NDUFS4: variants seen among roughly 807,000 people sequenced by gnomAD.
NDUFS4 encodes NADH:ubiquinone oxidoreductase subunit S4.
In NDUFS4, 28 loss-of-function variants were observed where a neutral mutation model predicts 24.3. That is an observed-to-expected ratio of 1.15 (90% CI 0.85 to 1.58). The LOEUF is 1.58. Ranked by LOEUF, NDUFS4 falls within the 40% of genes most tolerant of loss-of-function variation. The pLI is 0.00. For synonymous variants in NDUFS4, 93 were observed against 69.7 expected (o/e 1.34, Z -1.67); for missense variants, 223 against 207.9 (o/e 1.07, Z -0.45).
chr5:53,571,092 CAT>C (rs1265820022), intron 1 of NDUFS4, among the ~76,000 whole-genome samples: 6 of 152,028 alleles, frequency 3.9e-5, no homozygotes, highest in African/African-American at 1.5e-4. Context: ...AAAATTTACT[CAT>C]ATAAAGTATA....
At chr5:53,617,882 A>G (rs1750896133) in intron 2 of NDUFS4, among the ~76,000 whole-genome samples, 1 of 152,318 alleles carries the variant, frequency 6.6e-6, no homozygotes, top group African/African-American at 2.4e-5. Context: ...TAGCTGTATA[A>G]CCTGAAGCAA....
chr5:53,564,850 A>G (rs1386428666), intron 1 of NDUFS4, among the ~76,000 whole-genome samples: 1 of 152,234 alleles, frequency 6.6e-6, no homozygotes, highest in Admixed American at 6.5e-5. Context: ...ATATTTTAAT[A>G]TGTAATGTCG....
At chr5:53,635,309 C>T (rs1429484044) in intron 2 of NDUFS4, among the ~76,000 whole-genome samples, 4 of 150,994 alleles carry the variant, frequency 2.6e-5, no homozygotes, top group South Asian at 2.1e-4. Flanking sequence ...TGCTGGAGTT[C>T]GAGACCAGCC....
chr5:53,569,851 C>A (rs1344341232), intron 1 of NDUFS4, among the ~76,000 whole-genome samples: 6 of 151,962 alleles, frequency 3.9e-5, no homozygotes, highest in Non-Finnish European at 5.9e-5. Flanking sequence ...AGGATGTTTT[C>A]CATTTTGTCA....
intron 4 of NDUFS4, among the ~76,000 whole-genome samples, chr5:53,662,687 T>C (rs1752381283): frequency 6.6e-6 from 1 of 152,208 alleles, no homozygotes; most frequent in South Asian, 2.1e-4. Flanking sequence ...GTTATTGGTC[T>C]ATTTAGAGAT....
At chr5:53,565,899 T>G (rs777355316) in intron 1 of NDUFS4, among the ~76,000 whole-genome samples, 5 of 152,008 alleles carry the variant, frequency 3.3e-5, no homozygotes, top group Non-Finnish European at 7.4e-5. Flanking sequence ...TACGGCCGGG[T>G]GCGGTGGCTC....
chr5:53,599,513 C>T (rs1263831511), intron 1 of NDUFS4, among the ~76,000 whole-genome samples: 1 of 152,120 alleles, frequency 6.6e-6, no homozygotes, highest in African/African-American at 2.4e-5. Context: ...TTCTGTTGAG[C>T]ATCATTTCAT....
chr5:53,667,428 G>A (rs1752550693), intron 4 of NDUFS4, among the ~76,000 whole-genome samples: 1 of 149,548 alleles, frequency 6.7e-6, no homozygotes, highest in South Asian at 2.1e-4. Context: ...TCGTGCCATT[G>A]CACTCCAGCC....
At chr5:53,657,691 G>A (rs530764046) in intron 3 of NDUFS4, among the ~76,000 whole-genome samples, 5 of 152,196 alleles carry the variant, frequency 3.3e-5, no homozygotes, top group African/African-American at 1.2e-4. Context: ...TTGGGAGGCT[G>A]AGGCAGGTAG....
chr5:53,615,379 A>C (rs1380065563), intron 2 of NDUFS4, among the ~76,000 whole-genome samples: 1 of 151,996 alleles, frequency 6.6e-6, no homozygotes, highest in Non-Finnish European at 1.5e-5. Flanking sequence ...GTATCTCAGA[A>C]TAGAATTAGA....
chr5:53,572,957 GT>G (rs796960315), intron 1 of NDUFS4, among the ~76,000 whole-genome samples: 57 of 103,304 alleles, frequency 5.5e-4, no homozygotes, highest in Middle Eastern at 5.2e-3. Flanking sequence ...GTTGTTTTTT[GT>G]TTTTTTTTTT....
intron 1 of NDUFS4, among the ~76,000 whole-genome samples, chr5:53,566,125 A>T (rs1749017870): frequency 6.6e-6 from 1 of 152,214 alleles, no homozygotes; most frequent in Non-Finnish European, 1.5e-5. Context: ...GTGAGCCGAG[A>T]TCGCACCACT....
intron 2 of NDUFS4, among the ~76,000 whole-genome samples, chr5:53,629,717 C>G (rs1361010697): frequency 6.7e-6 from 1 of 149,432 alleles, no homozygotes; most frequent in African/African-American, 2.5e-5. Context: ...CTTTTTTTTT[C>G]TTTCCATTTG....
At position 53,566,167 on chromosome 5, in the gene NDUFS4, C is replaced by CA. The variant is rs547801617; in HGVS notation, c.98+5415dup. ...TAGCCTGGGTGACAGGGCAAGACTCCAAAAAAAAGTTAATAATACACGGAA... is the reference window on the plus strand; with the variant it reads ...TAGCCTGGGTGACAGGGCAAGACTCCAAAAAAAAAGTTAATAATACACGGAA... On this transcript the variant is annotated intron_variant, in intron 1 of 4. Transcript: ENST00000296684. Among the ~76,000 whole-genome samples the CA allele has an allele frequency of 5.2e-3, 794 of 151,682 alleles. 1 individual carries two copies. The highest frequency in any genetic ancestry group is 8.3e-3 in the Non-Finnish European group (564 of 67,870).
intron 1 of NDUFS4, among the ~76,000 whole-genome samples, chr5:53,598,117 G>C (rs1412724555): frequency 6.6e-6 from 1 of 152,198 alleles, no homozygotes; most frequent in Non-Finnish European, 1.5e-5. Flanking sequence ...ATGCTGGCAA[G>C]GATGAAGAGA....
intron 1 of NDUFS4, among the ~76,000 whole-genome samples, chr5:53,577,713 A>G (rs530849345): frequency 1.3e-5 from 2 of 152,302 alleles, no homozygotes; most frequent in South Asian, 4.1e-4. Flanking sequence ...ATGCCAAAGG[A>G]TTTGGAAATT....
intron 2 of NDUFS4, among the ~76,000 whole-genome samples, chr5:53,637,859 GT>G (rs1197537236): frequency 6.6e-6 from 1 of 152,108 alleles, no homozygotes; most frequent in Non-Finnish European, 1.5e-5. Context: ...CAGAGTACTT[GT>G]CAGTCTTTTT....
intron 4 of NDUFS4, among the ~76,000 whole-genome samples, chr5:53,678,983 C>T (rs1421873926): frequency 6.6e-6 from 1 of 152,086 alleles, no homozygotes; most frequent in East Asian, 1.9e-4. Flanking sequence ...GAGGAGGATG[C>T]TTGGAAATGT....
chr5:53,658,352 A>G (rs1752223638), intron 3 of NDUFS4, among the ~76,000 whole-genome samples, 199 bp from the exon 4 acceptor site: 1 of 152,200 alleles, frequency 6.6e-6, no homozygotes, highest in African/African-American at 2.4e-5. Flanking sequence ...ATTATTTGAC[A>G]ATACATATTA....
Sources: gnomAD v4.1 joint callset for allele counts (sites outside exome capture counted in the v4.1 genomes callset) on GRCh38, gnomAD v4.1.1 for gene constraint, MANE v1.5 for transcripts, NCBI Gene and HGNC (gene_info 2026-07-23, HGNC 2026-07-21) for gene names.